Variants in RUNX1 observed in about 807,000 individuals in gnomAD.
RUNX1 encodes RUNX family transcription factor 1.
Under a neutral mutation model 42.8 loss-of-function variants are expected in RUNX1, and 19 were observed. The ratio of observed to expected loss-of-function variants is 0.44; its 90% confidence interval spans 0.31 to 0.65. The LOEUF (loss-of-function observed/expected upper bound fraction) is 0.65. RUNX1 is among the 30% of genes least tolerant of loss of function. RUNX1 has a pLI of 0.07. For missense variants in RUNX1, 528 were observed against 672.0 expected (o/e 0.79, Z 2.37); for synonymous variants, 271 against 289.4 (o/e 0.94, Z 0.64).
rs1051832275 is a variant in RUNX1 at position 34,791,988 on chromosome 21, G to A, written c.*147C>T. ...GCTGCGCGGGCCTGACCTACAGCGA[G>A]ATCCTGGCCGTCGGGCGCCCTCGGC... On this transcript the variant is annotated 3_prime_UTR_variant, in exon 9 of 9. Transcript: ENST00000675419. 1.3e-5 allele frequency: 6 copies of A among 476,018 alleles called. No homozygotes were observed. Among genetic ancestry groups the A allele is most frequent in the African/African-American group, 1.1e-4 (5 of 47,358 alleles). 29.5% of individuals were successfully genotyped at this position (476,018 alleles called of 1,614,324 possible).
intron 7 of RUNX1, among the ~76,000 whole-genome samples, chr21:34,811,528 A>G (rs2056758629): frequency 6.6e-6 from 1 of 152,208 alleles, no homozygotes; most frequent in African/African-American, 2.4e-5. Context: ...CGCTGCACAC[A>G]GGTCTTTCAC....
chr21:34,972,033 T>G (rs1240412884), intron 2 of RUNX1, among the ~76,000 whole-genome samples: 1 of 152,214 alleles, frequency 6.6e-6, no homozygotes, highest in Non-Finnish European at 1.5e-5. Context: ...CTGAACACAT[T>G]AACAGGCCAA....
At chr21:34,868,930 A>T (rs572077510) in intron 5 of RUNX1, among the ~76,000 whole-genome samples, 24 of 152,354 alleles carry the variant, frequency 1.6e-4, no homozygotes, top group African/African-American at 5.5e-4. Flanking sequence ...ATAAAACAGG[A>T]ATAGGTACTA....
intron 2 of RUNX1, among the ~76,000 whole-genome samples, chr21:34,895,824 C>T (rs2058125931): frequency 6.6e-6 from 1 of 152,084 alleles, no homozygotes; most frequent in African/African-American, 2.4e-5. Context: ...GAAAATTGAT[C>T]TGTCAAAGCC....
rs1046846909 is a variant in RUNX1, at chr21:34,809,598, G to T, written c.806-10136C>A. 9.9e-5 allele frequency among the ~76,000 whole-genome samples: 15 copies of T among 152,274 alleles called. No individual in the cohort carries two copies. In the East Asian group the frequency reaches 1.4e-3, roughly 14 times the overall value. On this transcript the variant is annotated intron_variant, in intron 7 of 8. Coordinates refer to ENST00000675419, the MANE Select transcript of RUNX1 (RefSeq NM_001754.5). ...GATAGTCTATGCTTGGAAGGCCTGG[G>T]TTGGGAGACTGTCATCTCCAACCTG...
At chr21:34,946,893 G>T (rs550679783) in intron 2 of RUNX1, among the ~76,000 whole-genome samples, 1 of 152,164 alleles carries the variant, frequency 6.6e-6, no homozygotes, top group Non-Finnish European at 1.5e-5. Flanking sequence ...AGGCAAGCTC[G>T]TCCACCTTCA....
chr21:34,917,870 C>T (rs1335866900), intron 2 of RUNX1, among the ~76,000 whole-genome samples: 1 of 151,940 alleles, frequency 6.6e-6, no homozygotes, highest in African/African-American at 2.4e-5. Context: ...GTGGCTCATG[C>T]CTATAATCCC....
intron 7 of RUNX1, 144 bp downstream of exon 7, chr21:34,834,266 G>C: frequency 1.2e-6 from 1 of 831,738 alleles, no homozygotes; most frequent in Non-Finnish European, 2.0e-6. Flanking sequence ...ACAGCTCCCA[G>C]GTGGTGCTGT....
At chr21:34,939,068 T>A (rs2058507388) in intron 2 of RUNX1, among the ~76,000 whole-genome samples, 1 of 152,206 alleles carries the variant, frequency 6.6e-6, no homozygotes, top group African/African-American at 2.4e-5. Context: ...AGATGACTAG[T>A]TCATGAACAT....
intron 2 of RUNX1, among the ~76,000 whole-genome samples, chr21:35,026,402 C>T (rs1335051848): frequency 1.3e-5 from 2 of 152,204 alleles, no homozygotes; most frequent in Non-Finnish European, 2.9e-5. Context: ...CGCATAGAAT[C>T]AGGCCAGGTC....
intron 2 of RUNX1, among the ~76,000 whole-genome samples, chr21:34,955,905 C>T (rs931872517): frequency 2.7e-4 from 41 of 152,202 alleles, no homozygotes; most frequent in African/African-American, 9.7e-4. Flanking sequence ...AAGTCAACTG[C>T]ACTTCAACCA....
rs1555899933 is a variant in RUNX1 at position 34,887,113 on chromosome 21, CACA to C, written c.98-20_98-18del. On this transcript the variant is annotated intron_variant, in intron 3 of 8. Coordinates refer to ENST00000675419, the MANE Select transcript of RUNX1 (RefSeq NM_001754.5). ...TGCTGGCATCTACGGGGATACGCAT[CACA>C]ACAAGCCGATTGAGTTAGGACCCTG... 1 of 1,597,926 alleles carries C rather than the reference CACA, an allele frequency of 6.3e-7. No homozygotes were observed. Among genetic ancestry groups the C allele is most frequent in the Non-Finnish European group, 8.5e-7 (1 of 1,179,818 alleles).
At chr21:34,985,873 T>A (rs986481259) in intron 2 of RUNX1, among the ~76,000 whole-genome samples, 4 of 145,116 alleles carry the variant, frequency 2.8e-5, no homozygotes, top group African/African-American at 1.0e-4. Context: ...CAGACTTTTT[T>A]TTTTTTTTTT....
rs141495136 is a variant in RUNX1, at chr21:34,993,826, GAC to G, written c.58+55014_58+55015del. ...ACAGACACACACACACACATACACA[GAC>G]ACACACACAGACACACACACACACG... On this transcript the variant is annotated intron_variant, in intron 2 of 8. Transcript: ENST00000675419. Among the ~76,000 whole-genome samples the G allele has an allele frequency of 3.0e-3, 425 of 142,848 alleles. 3 individuals carry two copies. The highest frequency in any genetic ancestry group is 0.011 in the African/African-American group (396 of 37,356). 93.7% of individuals were successfully genotyped at this position (142,848 alleles called of 152,430 possible). A position where few individuals can be genotyped will look rare whatever the true frequency, so the allele number is the denominator to read the frequency against.
rs71324340 is a variant in RUNX1 at position 34,993,498 on chromosome 21, TACACAC to T, written c.58+55338_58+55343del. Among the ~76,000 whole-genome samples, 553 of 128,504 alleles carry T rather than the reference TACACAC, an allele frequency of 4.3e-3. 7 individuals carry two copies. The highest frequency in any genetic ancestry group is 0.016 in the African/African-American group (501 of 30,488). 84.3% of individuals were successfully genotyped at this position (128,504 alleles called of 152,430 possible). On this transcript the variant is annotated intron_variant, in intron 2 of 8. Coordinates refer to ENST00000675419, the MANE Select transcript of RUNX1 (RefSeq NM_001754.5). ...AGGACAATGTCTGTTTGTTTGTCCCTACACACACACACACACACACACACACACATA... is the reference window on the plus strand; with the variant it reads ...AGGACAATGTCTGTTTGTTTGTCCCTACACACACACACACACACACACATA...
At position 34,839,189 on chromosome 21, in the gene RUNX1, C is replaced by T. The variant is rs563309142; in HGVS notation, c.614-4588G>A. Among the ~76,000 whole-genome samples the T allele has an allele frequency of 7.2e-5, 11 of 152,158 alleles. No individual in the cohort carries two copies. The South Asian group carries it at 8.3e-4, about 11-fold the overall frequency. On this transcript the variant is annotated intron_variant, in intron 6 of 8. Coordinates refer to ENST00000675419, the MANE Select transcript of RUNX1 (RefSeq NM_001754.5). ...GTTATGTCATTTGCCCAATCTCACA[C>T]GGCCAGTTACAGGAAGAGGGCAGGT... is the stretch of plus-strand genomic sequence containing the variant.
intron 2 of RUNX1, among the ~76,000 whole-genome samples, chr21:34,979,771 TA>T (rs1470214514): frequency 2.6e-5 from 4 of 152,246 alleles, no homozygotes; most frequent in Non-Finnish European, 5.9e-5. Flanking sequence ...CACAGTAGTA[TA>T]AAAACATCAG....
intron 2 of RUNX1, among the ~76,000 whole-genome samples, chr21:34,961,710 C>T (rs2058683275): frequency 6.6e-6 from 1 of 152,172 alleles, no homozygotes; most frequent in Non-Finnish European, 1.5e-5. Flanking sequence ...CAATTTTAGT[C>T]ATGACACACA....
chr21:34,816,614 C>A (rs1601382941), intron 7 of RUNX1, among the ~76,000 whole-genome samples: 1 of 151,950 alleles, frequency 6.6e-6, no homozygotes, highest in African/African-American at 2.4e-5. Context: ...TCAGTCTGGG[C>A]CTCAGTGAGG....
Sources: allele counts gnomAD v4.1 joint callset (sites outside exome capture counted in the v4.1 genomes callset), GRCh38; gene constraint gnomAD v4.1.1; transcripts MANE v1.5; gene names NCBI Gene and HGNC (gene_info 2026-07-23, HGNC 2026-07-21).